PPARGC1A: variants seen among roughly 807,000 people sequenced by gnomAD.
The protein encoded by PPARGC1A is PPARG coactivator 1 alpha.
In PPARGC1A, 25 loss-of-function variants were observed where a neutral mutation model predicts 88.7. The observed-to-expected ratio is 0.28, with a 90% CI of 0.21 to 0.39. PPARGC1A has a LOEUF of 0.39. PPARGC1A is among the 10% of genes least tolerant of loss of function. The probability of loss-of-function intolerance (pLI) is 1.00; values close to 1 mark genes in which losing one functional copy is unlikely to be tolerated. For synonymous variants in PPARGC1A, 363 were observed against 355.6 expected, an observed-to-expected ratio of 1.02 and a Z score of -0.24; for missense variants, 880 against 968.7, an observed-to-expected ratio of 0.91 and a Z score of 1.22.
the PPARGC1A span, among the ~76,000 whole-genome samples, chr4:24,374,458 G>A: frequency 6.6e-6 from 1 of 151,956 alleles, no homozygotes; most frequent in Non-Finnish European, 1.5e-5. Context: ...AGGAGTTCTA[G>A]GCTTAATACC....
the PPARGC1A span, among the ~76,000 whole-genome samples, chr4:23,997,618 C>T: frequency 6.7e-5 from 10 of 149,140 alleles, no homozygotes; most frequent in African/African-American, 2.5e-4. Context: ...TTCTCGTGCT[C>T]AGCCTCCCGA....
chr4:24,330,117 A>T, the PPARGC1A span, among the ~76,000 whole-genome samples: 1 of 152,178 alleles, frequency 6.6e-6, no homozygotes, highest in Non-Finnish European at 1.5e-5. Flanking sequence ...CCTCACTGCA[A>T]TCCATAAAAT....
the PPARGC1A span, among the ~76,000 whole-genome samples, chr4:24,103,255 C>G: frequency 5.3e-5 from 8 of 152,050 alleles, no homozygotes; most frequent in Admixed American, 4.6e-4. Context: ...CTCCATTAGC[C>G]ACACTCTCAA....
chr4:24,121,789 G>C, the PPARGC1A span, among the ~76,000 whole-genome samples: 1 of 152,186 alleles, frequency 6.6e-6, no homozygotes, highest in Admixed American at 6.6e-5. Context: ...AAGCTTTGAT[G>C]ACACTGCCTA....
the PPARGC1A span, among the ~76,000 whole-genome samples, chr4:24,328,987 T>G: frequency 6.6e-6 from 1 of 152,250 alleles, no homozygotes; most frequent in Non-Finnish European, 1.5e-5. Flanking sequence ...AGGGCACCTG[T>G]GTCAGTCTGA....
At chr4:23,952,222 G>C in the PPARGC1A span, among the ~76,000 whole-genome samples, 5 of 152,108 alleles carry the variant, frequency 3.3e-5, no homozygotes, top group African/African-American at 1.2e-4. Flanking sequence ...TAAATCATCT[G>C]AAAGAGAAAA....
chr4:24,312,173 C>T, the PPARGC1A span, among the ~76,000 whole-genome samples: 1 of 152,148 alleles, frequency 6.6e-6, no homozygotes, highest in African/African-American at 2.4e-5. Context: ...TAATGACATC[C>T]CCACCAATGA....
chr4:24,132,471 T>C, the PPARGC1A span, among the ~76,000 whole-genome samples: 2 of 152,282 alleles, frequency 1.3e-5, no homozygotes, highest in Admixed American at 6.5e-5. Flanking sequence ...TCTCGAGTAA[T>C]ACAGCAGCTG....
chr4:24,310,850 A>G, the PPARGC1A span, among the ~76,000 whole-genome samples: 2 of 152,126 alleles, frequency 1.3e-5, no homozygotes, highest in East Asian at 3.9e-4. Flanking sequence ...TAAGAGAAAA[A>G]CGATCCATGG....
the PPARGC1A span, among the ~76,000 whole-genome samples, chr4:24,316,710 G>C: frequency 6.6e-6 from 1 of 152,210 alleles, no homozygotes; most frequent in African/African-American, 2.4e-5. Flanking sequence ...TGCAGAATGG[G>C]AAGAATAATG....
At chr4:24,273,209 GAGA>G in the PPARGC1A span, among the ~76,000 whole-genome samples, 1 of 152,200 alleles carries the variant, frequency 6.6e-6, no homozygotes, top group Non-Finnish European at 1.5e-5. Flanking sequence ...GGAGCTGCTT[GAGA>G]AGAATAAAAC....
chr4:24,046,208 A>G, the PPARGC1A span, among the ~76,000 whole-genome samples: 1 of 152,232 alleles, frequency 6.6e-6, no homozygotes, highest in African/African-American at 2.4e-5. Flanking sequence ...AAAAGGAGTC[A>G]GGAAAACAAA....
intron 2 of PPARGC1A, among the ~76,000 whole-genome samples, chr4:23,867,286 G>A (rs566511218): frequency 9.8e-4 from 149 of 152,192 alleles, no homozygotes; most frequent in Non-Finnish European, 1.6e-3. Context: ...ACTCCTGAAG[G>A]GAAAATTCTG....
the PPARGC1A span, among the ~76,000 whole-genome samples, chr4:24,156,477 A>G: frequency 6.6e-6 from 1 of 152,244 alleles, no homozygotes; most frequent in African/African-American, 2.4e-5. Context: ...CAGTTAGGAA[A>G]GGACTGTCAA....
At chr4:24,235,559 A>G in the PPARGC1A span, among the ~76,000 whole-genome samples, 1 of 152,204 alleles carries the variant, frequency 6.6e-6, no homozygotes, top group East Asian at 1.9e-4. Context: ...CATTTTATGC[A>G]ATGTCTTTGT....
intron 2 of PPARGC1A, among the ~76,000 whole-genome samples, chr4:23,856,769 T>C (rs1183331863): frequency 1.3e-5 from 2 of 152,036 alleles, no homozygotes; most frequent in African/African-American, 4.8e-5. Context: ...ATTGAATACA[T>C]ACTGGGGAGC....
the PPARGC1A span, among the ~76,000 whole-genome samples, chr4:24,405,340 A>G: frequency 6.6e-6 from 1 of 152,174 alleles, no homozygotes; most frequent in Non-Finnish European, 1.5e-5. Context: ...AGTTTTTCCA[A>G]CAAAAGTAAT....
chr4:24,440,682 G>T, the PPARGC1A span, among the ~76,000 whole-genome samples: 1,058 of 152,172 alleles, frequency 7.0e-3, 13 homozygotes, highest in Non-Finnish European at 8.4e-3. Context: ...CATGCCTGTA[G>T]TCCCAGTTAC....
chr4:24,252,477 A>G, the PPARGC1A span, among the ~76,000 whole-genome samples: 1 of 152,234 alleles, frequency 6.6e-6, no homozygotes, highest in Non-Finnish European at 1.5e-5. Context: ...CTGCCAACCA[A>G]GATTGCTGGA....
Sources: gnomAD v4.1 joint callset for allele counts (sites outside exome capture counted in the v4.1 genomes callset) on GRCh38, gnomAD v4.1.1 for gene constraint, MANE v1.5 for transcripts, NCBI Gene and HGNC (gene_info 2026-07-23, HGNC 2026-07-21) for gene names.